The following HELB variants were observed in gnomAD, a reference collection of about 807,000 sequenced individuals.
HELB encodes the protein DNA helicase B, also known as DNA 5'-3' helicase B.
In HELB, 96 loss-of-function variants were observed where a neutral mutation model predicts 101.7. That is an observed-to-expected ratio of 0.94 (90% CI 0.80 to 1.12). The LOEUF is 1.12. HELB is among the 50% of genes most tolerant of loss of function. The probability of loss-of-function intolerance (pLI) is 0.00; values close to 1 mark genes in which losing one functional copy is unlikely to be tolerated. For synonymous variants in HELB, 437 were observed against 459.7 expected (o/e 0.95, Z 0.63); for missense variants, 1,210 against 1,291.9 (o/e 0.94, Z 0.97).
intron 1 of HELB, among the ~76,000 whole-genome samples, chr12:66,303,439 A>C (rs192185091): frequency 2.2e-4 from 33 of 151,984 alleles, no homozygotes; most frequent in African/African-American, 8.0e-4. Context: ...ACATGGTGAA[A>C]CCTGTCTCTA....
At chr12:66,340,719 T>C, downstream of HELB, 1 of 163,420 alleles carries the variant, frequency 6.1e-6, no homozygotes, top group Non-Finnish European at 1.3e-5. Context: ...GTCTCAGAAC[T>C]GAAGAACTTG....
chr12:66,318,465 A>G (rs1338824969), intron 6 of HELB, among the ~76,000 whole-genome samples, 173 bp from the exon 7 acceptor site: 1 of 152,086 alleles, frequency 6.6e-6, no homozygotes, highest in African/African-American at 2.4e-5. Flanking sequence ...CCATAAGTTT[A>G]TTGTCTTCTA....
intron 4 of HELB, among the ~76,000 whole-genome samples, 182 bp downstream of exon 4, chr12:66,310,790 G>A (rs1173794610): frequency 1.3e-5 from 2 of 152,110 alleles, no homozygotes; most frequent in African/African-American, 4.8e-5. Flanking sequence ...AATTAGCCAG[G>A]CATGGTGGCA....
chr12:66,336,093 G>C (rs2053863677), intron 12 of HELB, among the ~76,000 whole-genome samples: 2 of 152,156 alleles, frequency 1.3e-5, no homozygotes, highest in South Asian at 4.1e-4. Context: ...AATACTTAGT[G>C]ATCAAAATAT....
chr12:66,311,883 T>A (rs769506167), intron 4 of HELB, among the ~76,000 whole-genome samples: 4 of 152,182 alleles, frequency 2.6e-5, no homozygotes, highest in Non-Finnish European at 5.9e-5. Context: ...CTGAAGAAGG[T>A]AATCATTGAA....
intron 12 of HELB, among the ~76,000 whole-genome samples, chr12:66,337,773 G>A (rs1000941947): frequency 6.6e-6 from 1 of 152,116 alleles, no homozygotes; most frequent in Non-Finnish European, 1.5e-5. Flanking sequence ...TCAGTACATA[G>A]TTACTTCTAA....
chr12:66,342,658 T>C (rs966265647), downstream of HELB: 4 of 152,234 alleles, frequency 2.6e-5, no homozygotes, highest in African/African-American at 9.7e-5. Context: ...ATTACAGGCA[T>C]GAGCCACTGT....
At chr12:66,315,725 G>A (rs2053597235) in intron 6 of HELB, among the ~76,000 whole-genome samples, 1 of 152,148 alleles carries the variant, frequency 6.6e-6, no homozygotes, top group African/African-American at 2.4e-5. Context: ...GGGAGAATTG[G>A]GGAAGAAATA....
In HELB at chr12:66,310,578, A is replaced by G. The variant is rs528392944; in HGVS notation, c.1650A>G (p.Lys550=). ...TGKAAGLLRQ[K]TGLHAYTLCQ... Reference sequence around the variant, plus strand: ...AAGCAGCTGGCTTACTAAGACAGAAAACTGGTCTTCATGCCTACACACTGT... The same window carrying G: ...AAGCAGCTGGCTTACTAAGACAGAAGACTGGTCTTCATGCCTACACACTGT... Residue 550 remains lysine (K), a synonymous_variant, in exon 4 of 13, where the codon AAA becomes AAG. Transcript: ENST00000247815. 82 of 1,613,626 alleles carry G rather than the reference A, an allele frequency of 5.1e-5. No individual in the cohort carries two copies. Among genetic ancestry groups the G allele is most frequent in the Non-Finnish European group, 6.5e-5 (77 of 1,179,902 alleles).
At chr12:66,314,216 A>T (rs2053575855) in intron 5 of HELB, 53 bp downstream of exon 5, 1 of 1,512,288 alleles carries the variant, frequency 6.6e-7, no homozygotes, top group African/African-American at 1.4e-5. Flanking sequence ...TATTGTGGTT[A>T]GTTGGTTGTT....
chr12:66,338,158 A>G lies in HELB; in HGVS notation c.*56A>G. On this transcript the variant is annotated 3_prime_UTR_variant, in exon 13 of 13. Coordinates refer to ENST00000247815, the MANE Select transcript of HELB (RefSeq NM_001370285.1). The stretch of plus-strand genomic sequence containing the variant: ...TTTTTCTATTGGAGACAAAATGAAC[A>G]TCGTAACGTCAAAGTACCAAGATAA... The G allele has an allele frequency of 9.8e-7, 1 of 1,017,702 alleles. No homozygotes were observed. The allele number at this position is 1,017,702 out of a possible 1,614,324, so 63.0% of individuals were successfully genotyped here. A position where few individuals can be genotyped will look rare whatever the true frequency, so the allele number is the denominator to read the frequency against.
In HELB at chr12:66,331,362, C is replaced by T. The variant is rs140474909; in HGVS notation, c.2879C>T (p.Ala960Val). Residue 960 changes from alanine (A) to valine (V), a missense_variant, in exon 12 of 13, where the codon GCA becomes GTA. By Grantham distance (64) the Ala-to-Val change is moderately conservative. Coordinates refer to ENST00000247815, the MANE Select transcript of HELB (RefSeq NM_001370285.1). ...FLQSKLSSSG[A>V]PPADFPSPRK... ...CAAAGTAAGCTCTCCTCTAGCGGCG[C>T]ACCTCCAGCAGATTTTCCGTCCCCA... 2.7e-5 allele frequency: 43 copies of T among 1,614,112 alleles called. No individual in the cohort carries two copies. In the African/African-American group the frequency reaches 3.9e-4, roughly 15 times the overall value.
At position 66,328,765 on chromosome 12, in the gene HELB, A is replaced by G. The variant is rs548131160; in HGVS notation, c.2671-2389A>G. Among the ~76,000 whole-genome samples the G allele has an allele frequency of 2.0e-5, 3 of 152,182 alleles. No individual in the cohort carries two copies. In the South Asian group the frequency reaches 6.2e-4, roughly 32 times the overall value. On this transcript the variant is annotated intron_variant, in intron 11 of 12. Transcript: ENST00000247815. The stretch of plus-strand genomic sequence containing the variant: ...ATAAAATATAGAATTTCAAAGATGT[A>G]GTCTTTTATTAATAACTTAATATTG...
At chr12:66,338,712 T>G (rs1453354673), downstream of HELB, 1 of 152,206 alleles carries the variant, frequency 6.6e-6, no homozygotes, top group Non-Finnish European at 1.5e-5. Flanking sequence ...ATTGTATTTT[T>G]AGGATAATGC....
chr12:66,314,859 T>C (rs2053584240), intron 5 of HELB, among the ~76,000 whole-genome samples: 1 of 152,194 alleles, frequency 6.6e-6, no homozygotes, highest in Non-Finnish European at 1.5e-5. Flanking sequence ...AACGTATCTG[T>C]TATCAAATGC....
In HELB at chr12:66,310,387, C is replaced by A; in HGVS notation, c.1459C>A (p.Arg487Ser). Residue 487 changes from arginine to serine, a missense_variant, in exon 4 of 13, where the codon CGT becomes AGT. Around this residue, in one of 2 missense-constraint regions of HELB, gnomAD observed 740 missense variants for 728.8 expected, o/e 1.02. Transcript: ENST00000247815. ...GGCGKTTIVSRLFKHIEQLEE... is the reference protein window; with the variant it reads ...GGCGKTTIVSSLFKHIEQLEE... ...ATGTGGGAAGACCACAATCGTTAGC[C>A]GTCTTTTTAAGCATATAGAGCAGTT... 6.2e-7 allele frequency: 1 copy of A among 1,613,982 alleles called. No homozygotes were observed. The highest frequency in any genetic ancestry group is 8.5e-7 in the Non-Finnish European group (1 of 1,179,990).
chr12:66,313,928 A>C, intron 4 of HELB, 58 bp from the exon 5 acceptor site: 1 of 1,513,816 alleles, frequency 6.6e-7, no homozygotes, highest in East Asian at 2.3e-5. Context: ...CTTGCTATTA[A>C]TTTTTGGTTT....
At chr12:66,304,641 A>G (rs976552350) in intron 1 of HELB, 90 bp from the exon 2 acceptor site, 9 of 1,188,270 alleles carry the variant, frequency 7.6e-6, no homozygotes, top group Non-Finnish European at 1.1e-5. Context: ...GAGATTAAAG[A>G]TAGTGGTAAG....
At chr12:66,329,291 A>G (rs2053778122) in intron 11 of HELB, among the ~76,000 whole-genome samples, 1 of 152,184 alleles carries the variant, frequency 6.6e-6, no homozygotes, top group African/African-American at 2.4e-5. Context: ...TTTAATCATC[A>G]TTCACTCAGT....
Sources: gnomAD v4.1 joint callset for allele counts (sites outside exome capture counted in the v4.1 genomes callset) on GRCh38, gnomAD v4.1.1 for gene constraint, gnomAD v4.1.1 regional missense constraint, MANE v1.5 for transcripts, NCBI Gene and HGNC (gene_info 2026-07-23, HGNC 2026-07-21) for gene names.